The following TRIM49 variants were observed in gnomAD, a reference collection of about 807,000 sequenced individuals.
The protein encoded by TRIM49 is tripartite motif-containing protein 49.
A neutral mutation model predicts 27.4 loss-of-function variants in TRIM49; 5 were observed. The ratio of observed to expected loss-of-function variants is 0.18; its 90% CI spans 0.10 to 0.38. TRIM49 has a LOEUF of 0.38. Ranked by LOEUF, TRIM49 falls within the 10% of genes least tolerant of loss-of-function variation. The probability of loss-of-function intolerance (pLI) is 1.00; values close to 1 mark genes in which losing one functional copy is unlikely to be tolerated. For missense variants in TRIM49, 188 were observed against 487.5 expected (o/e 0.39, Z 5.79); for synonymous variants, 69 against 166.0 (o/e 0.42, Z 4.49).
chr11:89,772,939 A>G, the TRIM49 span, among the ~76,000 whole-genome samples: 1 of 135,174 alleles, frequency 7.4e-6, no homozygotes, highest in Non-Finnish European at 1.5e-5. Flanking sequence ...GGTTTGAAAA[A>G]GACTTGAAGT....
intron 2 of TRIM49, among the ~76,000 whole-genome samples, chr11:89,805,095 A>G (rs1304104042): frequency 6.6e-6 from 1 of 151,906 alleles, no homozygotes; most frequent in East Asian, 1.9e-4. Context: ...CAAATAAACA[A>G]AGAAAAAGAC....
chr11:89,807,776 T>C (rs569386332), intron 1 of TRIM49, among the ~76,000 whole-genome samples: 1 of 150,562 alleles, frequency 6.6e-6, no homozygotes, highest in South Asian at 2.1e-4. Flanking sequence ...CTTCAAGTGG[T>C]CCTCTGGTCT....
intron 4 of TRIM49, among the ~76,000 whole-genome samples, chr11:89,802,639 A>G (rs1186230588): frequency 1.3e-5 from 2 of 151,028 alleles, no homozygotes; most frequent in Non-Finnish European, 2.9e-5. Context: ...ACATACATAC[A>G]TATACACACT....
the TRIM49 span, among the ~76,000 whole-genome samples, chr11:89,769,044 T>C: frequency 7.4e-6 from 1 of 134,790 alleles, no homozygotes; most frequent in Non-Finnish European, 1.5e-5. Context: ...TAGCCAGGTG[T>C]GGTGGTGCAT....
At chr11:89,785,840 G>T in the TRIM49 span, 7,584 of 127,458 alleles carry the variant, frequency 0.06, 43 homozygotes, top group East Asian at 0.15. Context: ...CCGGGCTTGG[G>T]GCGGGAGCTA....
intron 6 of TRIM49, among the ~76,000 whole-genome samples, chr11:89,800,410 A>G (rs397833317): frequency 1.3e-5 from 2 of 151,548 alleles, no homozygotes; most frequent in African/African-American, 4.9e-5. Context: ...ATTCACAAAA[A>G]AAAACTTATC....
chr11:89,807,496 C>T (rs933956728), intron 1 of TRIM49, among the ~76,000 whole-genome samples: 111 of 151,152 alleles, frequency 7.3e-4, no homozygotes, highest in Non-Finnish European at 1.1e-3. Context: ...AACTAAGATG[C>T]ATTTTATACT....
rs763359023 is a variant in TRIM49 at position 89,798,325 on chromosome 11, T to C, written c.1164A>G (p.Gln388=). ...FLLGCVKNDI[Q]CSLFTTSPLM... Reference sequence around the variant, plus strand: ...GTGGGGAGGTGGTAAAGAGACTGCATTGAATGTCATTCTTAACACACCCAA... The same window carrying C: ...GTGGGGAGGTGGTAAAGAGACTGCACTGAATGTCATTCTTAACACACCCAA... The change falls in exon 8 of 8, where the codon CAA becomes CAG. Residue 388 remains glutamine, a synonymous_variant. Coordinates refer to ENST00000329758, the MANE Select transcript of TRIM49 (RefSeq NM_020358.2). 1.8e-5 allele frequency: 29 copies of C among 1,573,064 alleles called. 1 individual carries two copies. Among genetic ancestry groups the C allele is most frequent in the East Asian group, 1.7e-4 (7 of 40,250 alleles).
At chr11:89,772,568 A>G in the TRIM49 span, among the ~76,000 whole-genome samples, 45 of 129,898 alleles carry the variant, frequency 3.5e-4, 4 homozygotes, top group Non-Finnish European at 7.6e-5. Context: ...GATATTTTAT[A>G]TCATTTCCCA....
At chr11:89,785,236 A>G in the TRIM49 span, among the ~76,000 whole-genome samples, 5 of 102,480 alleles carry the variant, frequency 4.9e-5, 1 homozygote, top group South Asian at 3.4e-4. Flanking sequence ...GAATAAATAA[A>G]TAAATAAATA....
At chr11:89,787,992 C>T in the TRIM49 span, among the ~76,000 whole-genome samples, 1 of 147,386 alleles carries the variant, frequency 6.8e-6, no homozygotes, top group Admixed American at 6.6e-5. Context: ...CACATCGATT[C>T]GCCTGACACC....
chr11:89,773,879 G>A, the TRIM49 span, among the ~76,000 whole-genome samples: 1 of 136,700 alleles, frequency 7.3e-6, no homozygotes, highest in Admixed American at 6.8e-5. Context: ...AGAGGTTGCA[G>A]TGAGCTAAGA....
chr11:89,805,103 G>T (rs1416196301), intron 2 of TRIM49, among the ~76,000 whole-genome samples: 1 of 151,700 alleles, frequency 6.6e-6, no homozygotes, highest in Non-Finnish European at 1.5e-5. Context: ...CAAAGAAAAA[G>T]ACTGCAATTA....
chr11:89,776,789 C>G, the TRIM49 span, among the ~76,000 whole-genome samples: 8 of 151,138 alleles, frequency 5.3e-5, no homozygotes, highest in East Asian at 1.9e-4. Context: ...GGCTATTGAG[C>G]GAAAACTTTA....
At chr11:89,800,875 C>G in intron 6 of TRIM49, 91 bp downstream of exon 6, 6 of 738,584 alleles carry the variant, frequency 8.1e-6, no homozygotes, top group Non-Finnish European at 1.3e-5. Flanking sequence ...GTATCAATAT[C>G]TTAATTATTT....
At chr11:89,767,691 T>C in the TRIM49 span, among the ~76,000 whole-genome samples, 1 of 129,450 alleles carries the variant, frequency 7.7e-6, no homozygotes, top group Non-Finnish European at 1.5e-5. Flanking sequence ...CACTTTCTTA[T>C]TGTTCACAGA....
the TRIM49 span, among the ~76,000 whole-genome samples, chr11:89,774,288 C>G: frequency 6.6e-6 from 1 of 151,112 alleles, no homozygotes; most frequent in Admixed American, 6.6e-5. Context: ...GCATGAGCCA[C>G]CTTCCTTGCC....
chr11:89,770,537 A>G, the TRIM49 span, among the ~76,000 whole-genome samples: 12 of 142,480 alleles, frequency 8.4e-5, 2 homozygotes, highest in Non-Finnish European at 1.6e-4. Context: ...TATATTCTAT[A>G]CTATGTCTTT....
In TRIM49 at chr11:89,798,818, GTT is replaced by G. The variant is rs75501184; in HGVS notation, c.860-191_860-190del. On this transcript the variant is annotated intron_variant, in intron 7 of 7. Coordinates refer to ENST00000329758, the MANE Select transcript of TRIM49 (RefSeq NM_020358.2). ...ACAAAACCCTAACCACAGATATTAT[GTT>G]TTTTTTTTGAAAACTTACATATTGA... 1.0e-3 allele frequency among the ~76,000 whole-genome samples: 101 copies of G among 100,844 alleles called. 9 individuals are homozygous for G. In the East Asian group the frequency reaches 0.029, roughly 29 times the overall value. The allele number at this position is 100,844 out of a possible 152,430, so 66.2% of individuals were successfully genotyped here. A position where few individuals can be genotyped will look rare whatever the true frequency, so the allele number is the denominator to read the frequency against.
Sources: gnomAD v4.1 joint callset for allele counts (sites outside exome capture counted in the v4.1 genomes callset) on GRCh38, gnomAD v4.1.1 for gene constraint, MANE v1.5 for transcripts, NCBI Gene and HGNC (gene_info 2026-07-23, HGNC 2026-07-21) for gene names.